MAP3K5: variants seen among roughly 807,000 people sequenced by gnomAD.
MAP3K5 encodes the protein ASK-1.
MAP3K5 carries 56 observed loss-of-function variants against 158.7 expected under a neutral mutation model. The observed-to-expected ratio is 0.35, with a 90% CI of 0.28 to 0.44. The LOEUF is 0.44. MAP3K5 is among the 20% of genes least tolerant of loss of function. MAP3K5 has a pLI of 1.00. For missense variants in MAP3K5, 1,294 were observed against 1,674.8 expected (o/e 0.77, Z 3.97); for synonymous variants, 579 against 601.7 (o/e 0.96, Z 0.55).
chr6:136,562,543 G>C lies in MAP3K5; in HGVS notation c.3834C>G (p.Asp1278Glu). The C allele has an allele frequency of 6.2e-7, 1 of 1,602,280 alleles. No individual in the cohort carries two copies. The highest frequency in any genetic ancestry group is 2.3e-5 in the East Asian group (1 of 43,454). ...ALLHRAIEEK[D>E]QEIKHLKLKS... ...TAAGCTTCAGGTGTTTAATTTCTTGGTCTTTTTCTTCAATAGCTCGATGAA... is the reference window on the plus strand; with the variant it reads ...TAAGCTTCAGGTGTTTAATTTCTTGCTCTTTTTCTTCAATAGCTCGATGAA... The change falls in exon 27 of 30, where the codon GAC (aspartate) becomes GAG (glutamate). Residue 1278 changes from aspartate to glutamate, a missense_variant. Coordinates refer to ENST00000359015, the MANE Select transcript of MAP3K5 (RefSeq NM_005923.4).
intron 15 of MAP3K5, among the ~76,000 whole-genome samples, chr6:136,618,049 T>C (rs1479955304): frequency 1.3e-5 from 2 of 152,214 alleles, no homozygotes; most frequent in Non-Finnish European, 2.9e-5. Flanking sequence ...TAAATCTACC[T>C]CTTCCCTCTT....
At chr6:136,736,366 A>G (rs564050097) in intron 1 of MAP3K5, among the ~76,000 whole-genome samples, 1 of 152,160 alleles carries the variant, frequency 6.6e-6, no homozygotes, top group Non-Finnish European at 1.5e-5. Flanking sequence ...TTTTGTTCAA[A>G]TTTACTTCTT....
chr6:136,687,331 A>G (rs1227160835), intron 7 of MAP3K5, among the ~76,000 whole-genome samples: 3 of 152,156 alleles, frequency 2.0e-5, no homozygotes. Context: ...CTAGAAGAAA[A>G]CCTAGGCAAT....
At chr6:136,642,888 C>T (rs1778053394) in intron 11 of MAP3K5, among the ~76,000 whole-genome samples, 1 of 152,038 alleles carries the variant, frequency 6.6e-6, no homozygotes, top group Admixed American at 6.5e-5. Flanking sequence ...AGTCAATGAT[C>T]AAGGTAATTC....
chr6:136,731,828 C>CAA (rs1782238662), intron 1 of MAP3K5, among the ~76,000 whole-genome samples: 2 of 152,170 alleles, frequency 1.3e-5, no homozygotes, highest in Non-Finnish European at 2.9e-5. Context: ...TAAACGTTTT[C>CAA]CAAGGTCCAT....
chr6:136,595,727 A>T (rs1775596709), intron 21 of MAP3K5, among the ~76,000 whole-genome samples: 1 of 152,080 alleles, frequency 6.6e-6, no homozygotes, highest in African/African-American at 2.4e-5. Flanking sequence ...TGAAGACGGC[A>T]ATTGGGCGGC....
intron 1 of MAP3K5, among the ~76,000 whole-genome samples, chr6:136,729,922 T>C (rs898921385): frequency 1.3e-5 from 2 of 152,202 alleles, no homozygotes; most frequent in African/African-American, 4.8e-5. Context: ...GCTTTGAACG[T>C]CATAATTAAG....
chr6:136,719,717 A>T (rs1781671512), intron 2 of MAP3K5, among the ~76,000 whole-genome samples: 1 of 152,218 alleles, frequency 6.6e-6, no homozygotes, highest in Non-Finnish European at 1.5e-5. Context: ...TGGGAACTGG[A>T]AGACAGAGCT....
chr6:136,680,993 T>G (rs2114592128), intron 7 of MAP3K5, among the ~76,000 whole-genome samples: 1 of 152,298 alleles, frequency 6.6e-6, no homozygotes, highest in South Asian at 2.1e-4. Context: ...ATCTAAATAT[T>G]TCATGCAAGG....
At chr6:136,790,937 T>G (rs1785048335) in intron 1 of MAP3K5, among the ~76,000 whole-genome samples, 1 of 152,242 alleles carries the variant, frequency 6.6e-6, no homozygotes, top group Admixed American at 6.5e-5. Flanking sequence ...TCATGGATTA[T>G]GCTAGCAATC....
intron 1 of MAP3K5, among the ~76,000 whole-genome samples, chr6:136,765,473 T>C (rs1200416396): frequency 6.6e-6 from 1 of 151,874 alleles, no homozygotes; most frequent in Non-Finnish European, 1.5e-5. Context: ...ATTTAACTTA[T>C]TTATGTATTT....
intron 1 of MAP3K5, among the ~76,000 whole-genome samples, chr6:136,785,024 T>A (rs1046278711): frequency 6.6e-6 from 1 of 152,206 alleles, no homozygotes; most frequent in Non-Finnish European, 1.5e-5. Context: ...TGGGAACCAC[T>A]ATTTAGGACA....
intron 15 of MAP3K5, 43 bp downstream of exon 15, chr6:136,622,805 C>T (rs200167621): frequency 6.3e-7 from 1 of 1,594,240 alleles, no homozygotes; most frequent in East Asian, 2.2e-5. Context: ...GTCAACAACC[C>T]AAAGTACTAC....
chr6:136,558,576 A>T (rs577553122), intron 29 of MAP3K5, among the ~76,000 whole-genome samples: 1 of 152,282 alleles, frequency 6.6e-6, no homozygotes, highest in South Asian at 2.1e-4. Context: ...TATTCAAAAA[A>T]ATTCTTCCAG....
At chr6:136,564,006 C>T (rs979602964) in intron 26 of MAP3K5, among the ~76,000 whole-genome samples, 5 of 152,154 alleles carry the variant, frequency 3.3e-5, no homozygotes, top group Admixed American at 3.3e-4. Flanking sequence ...CCTGTGTTAA[C>T]CTTAGATAAA....
At chr6:136,717,296 G>A (rs200996197) in intron 2 of MAP3K5, among the ~76,000 whole-genome samples, 2 of 152,108 alleles carry the variant, frequency 1.3e-5, no homozygotes, top group African/African-American at 4.8e-5. Flanking sequence ...TTCAGACATA[G>A]ATTTTTAAAG....
rs1446238919 is a variant in MAP3K5 at position 136,583,591 on chromosome 6, G to A, written c.3375C>T (p.Ser1125=). 1 of 1,614,186 alleles carries A rather than the reference G, an allele frequency of 6.2e-7. No homozygotes were observed. Among genetic ancestry groups the A allele is most frequent in the Non-Finnish European group, 8.5e-7 (1 of 1,180,024 alleles). Reference sequence around the variant, plus strand: ...AACCAAAGAGTACCACCTGGACTTGGCTAATGCCATGGCTGTCGAAGTCCA... The same window carrying A: ...AACCAAAGAGTACCACCTGGACTTGACTAATGCCATGGCTGTCGAAGTCCA... ...LELDFDSHGI[S]QVQVVLFGFQ... The change falls in exon 24 of 30, where the codon AGC becomes AGT. Residue 1125 remains serine (S), a synonymous_variant. Transcript: ENST00000359015.
chr6:136,660,810 A>C (rs1181759391), intron 8 of MAP3K5, among the ~76,000 whole-genome samples: 2 of 152,304 alleles, frequency 1.3e-5, no homozygotes, highest in East Asian at 3.9e-4. Context: ...TCATCTCATT[A>C]TGTACTACTT....
chr6:136,717,857 A>G (rs1002029003), intron 2 of MAP3K5, among the ~76,000 whole-genome samples: 1 of 152,188 alleles, frequency 6.6e-6, no homozygotes, highest in Non-Finnish European at 1.5e-5. Flanking sequence ...GGCTAGGAAT[A>G]GTCTAAATAA....
Sources: allele counts gnomAD v4.1 joint callset (sites outside exome capture counted in the v4.1 genomes callset), GRCh38; gene constraint gnomAD v4.1.1; transcripts MANE v1.5; gene names NCBI Gene and HGNC (gene_info 2026-07-23, HGNC 2026-07-21).